FMNL2: variants seen among roughly 807,000 people sequenced by gnomAD.
The protein encoded by FMNL2 is formin like 2, also known as formin-like protein 2.
A neutral mutation model predicts 130.2 loss-of-function variants in FMNL2; 51 were observed. The ratio of observed to expected loss-of-function variants is 0.39; its 90% CI spans 0.31 to 0.49. The LOEUF is 0.49. Ranked by LOEUF, FMNL2 falls within the 20% of genes least tolerant of loss-of-function variation. The pLI, the probability that FMNL2 is intolerant of heterozygous loss-of-function variation, is 0.85. For missense variants in FMNL2, 977 were observed against 1,316.2 expected (o/e 0.74, Z 3.99); for synonymous variants, 465 against 467.1 (o/e 1.00, Z 0.06).
chr2:152,413,541 C>A (rs1422459586), intron 1 of FMNL2, among the ~76,000 whole-genome samples: 1 of 152,014 alleles, frequency 6.6e-6, no homozygotes, highest in African/African-American at 2.4e-5. Context: ...GAAGGTGGGG[C>A]AAGGAATGTG....
intron 1 of FMNL2, among the ~76,000 whole-genome samples, chr2:152,393,049 C>T (rs993339275): frequency 3.3e-5 from 5 of 152,180 alleles, no homozygotes; most frequent in African/African-American, 4.8e-5. Context: ...CTTCGAGTCA[C>T]TTTCTACCTG....
intron 1 of FMNL2, among the ~76,000 whole-genome samples, chr2:152,502,706 A>C (rs1358936306): frequency 1.3e-5 from 2 of 152,208 alleles, no homozygotes; most frequent in African/African-American, 4.8e-5. Context: ...CAGAAAACCC[A>C]AAAACAACAA....
intron 25 of FMNL2, among the ~76,000 whole-genome samples, chr2:152,642,042 A>T (rs1006509441): frequency 6.6e-6 from 1 of 151,632 alleles, no homozygotes; most frequent in East Asian, 2.0e-4. Context: ...CTGGGTTCAC[A>T]CCATTCTTCT....
chr2:152,644,394 T>C (rs1683360079), intron 25 of FMNL2, among the ~76,000 whole-genome samples: 1 of 152,206 alleles, frequency 6.6e-6, no homozygotes, highest in African/African-American at 2.4e-5. Context: ...CAGAAGGAAC[T>C]GTGAACTATG....
chr2:152,435,277 T>A (rs908558913), intron 1 of FMNL2, among the ~76,000 whole-genome samples: 1 of 151,974 alleles, frequency 6.6e-6, no homozygotes, highest in Non-Finnish European at 1.5e-5. Context: ...AGGCCAGGAG[T>A]TTGAGACCTG....
At chr2:152,377,945 C>T (rs946464462) in intron 1 of FMNL2, among the ~76,000 whole-genome samples, 1 of 151,912 alleles carries the variant, frequency 6.6e-6, no homozygotes, top group Non-Finnish European at 1.5e-5. Flanking sequence ...CACCCTGCCT[C>T]TACTAAGAAC....
rs1693006406 is a variant in FMNL2, at chr2:152,520,216, CT to C, written c.118-1724del. ...ATTAGATGTTTCTATATCTAAGAAGCTTTGGCAGTACCATTGAAAACTCTTT... is the reference window on the plus strand; with the variant it reads ...ATTAGATGTTTCTATATCTAAGAAGCTTGGCAGTACCATTGAAAACTCTTT... On this transcript the variant is annotated intron_variant, in intron 1 of 25. Coordinates refer to ENST00000288670, the MANE Select transcript of FMNL2 (RefSeq NM_052905.4). 3.3e-5 allele frequency among the ~76,000 whole-genome samples: 5 copies of C among 152,110 alleles called. 1 individual carries two copies. The highest frequency in any genetic ancestry group is 3.3e-4 in the Admixed American group (5 of 15,276).
intron 1 of FMNL2, among the ~76,000 whole-genome samples, chr2:152,483,078 A>T (rs1690621203): frequency 6.6e-6 from 1 of 152,146 alleles, no homozygotes; most frequent in African/African-American, 2.4e-5. Context: ...AGCTGTATTG[A>T]ATACTTGTGT....
intron 1 of FMNL2, among the ~76,000 whole-genome samples, chr2:152,431,606 T>C (rs1157080335): frequency 6.6e-6 from 1 of 152,212 alleles, no homozygotes; most frequent in East Asian, 1.9e-4. Context: ...CTAATTTGTG[T>C]TGTTACATAA....
At chr2:152,377,363 C>A (rs912305337) in intron 1 of FMNL2, among the ~76,000 whole-genome samples, 2 of 152,182 alleles carry the variant, frequency 1.3e-5, no homozygotes, top group African/African-American at 4.8e-5. Context: ...AGATAAGCAT[C>A]TCATCTTATT....
intron 1 of FMNL2, among the ~76,000 whole-genome samples, chr2:152,503,100 A>G (rs1355920356): frequency 6.6e-6 from 1 of 152,206 alleles, no homozygotes; most frequent in Non-Finnish European, 1.5e-5. Context: ...ATTACTCATG[A>G]CACTCGTTCA....
intron 9 of FMNL2, among the ~76,000 whole-genome samples, chr2:152,602,601 A>G (rs553939500): frequency 1.4e-4 from 21 of 152,320 alleles, no homozygotes; most frequent in Middle Eastern, 3.4e-3. Context: ...ATACCAGTGA[A>G]TATAAAAGTC....
At chr2:152,357,898 T>G (rs898480088) in intron 1 of FMNL2, among the ~76,000 whole-genome samples, 1 of 152,206 alleles carries the variant, frequency 6.6e-6, no homozygotes, top group Non-Finnish European at 1.5e-5. Flanking sequence ...TCAACTTGAT[T>G]GGATTGAAGG....
intron 1 of FMNL2, among the ~76,000 whole-genome samples, chr2:152,404,015 C>A (rs1337044562): frequency 6.6e-6 from 1 of 152,206 alleles, no homozygotes; most frequent in African/African-American, 2.4e-5. Context: ...TTGCAGTGAG[C>A]CGAGATCACG....
chr2:152,581,512 A>G (rs1696777705), intron 9 of FMNL2, among the ~76,000 whole-genome samples: 1 of 152,230 alleles, frequency 6.6e-6, no homozygotes, highest in African/African-American at 2.4e-5. Flanking sequence ...CAGCCAAACA[A>G]TAATGCAACA....
chr2:152,619,829 T>G, intron 15 of FMNL2, 111 bp downstream of exon 15: 1 of 1,490,686 alleles, frequency 6.7e-7, no homozygotes, highest in Non-Finnish European at 8.9e-7. Context: ...TGTGTATCTC[T>G]TCCTAGTATA....
chr2:152,501,810 A>G (rs1039455361), intron 1 of FMNL2, among the ~76,000 whole-genome samples: 1 of 152,126 alleles, frequency 6.6e-6, no homozygotes, highest in Admixed American at 6.5e-5. Context: ...TGTTTCTCTA[A>G]TGGGGTCCTG....
chr2:152,610,989 G>A (rs561333357), intron 10 of FMNL2, among the ~76,000 whole-genome samples: 31 of 152,270 alleles, frequency 2.0e-4, no homozygotes, highest in South Asian at 2.1e-4. Flanking sequence ...GAGTGGGTGC[G>A]AAGTGGTGTC....
At chr2:152,340,197 A>C (rs913688996) in intron 1 of FMNL2, among the ~76,000 whole-genome samples, 4 of 152,198 alleles carry the variant, frequency 2.6e-5, no homozygotes, top group Admixed American at 1.3e-4. Context: ...AAAAAGAAAA[A>C]GATATCTAAG....
Sources: gnomAD v4.1 joint callset for allele counts (sites outside exome capture counted in the v4.1 genomes callset) on GRCh38, gnomAD v4.1.1 for gene constraint, MANE v1.5 for transcripts, NCBI Gene and HGNC (gene_info 2026-07-23, HGNC 2026-07-21) for gene names.